Variants in HDAC4 observed in about 807,000 individuals in gnomAD.
The protein encoded by HDAC4 is histone deacetylase A.
In HDAC4, 16 loss-of-function variants were observed where a neutral mutation model predicts 135.1. The observed-to-expected ratio is 0.12, with a 90% CI of 0.08 to 0.18. HDAC4 has a LOEUF of 0.18. Ranked by LOEUF, HDAC4 falls within the 10% of genes least tolerant of loss-of-function variation. The probability of loss-of-function intolerance (pLI) is 1.00; values close to 1 mark genes in which losing one functional copy is unlikely to be tolerated. For missense variants in HDAC4, 1,143 were observed against 1,511.8 expected (o/e 0.76, Z 4.05); for synonymous variants, 685 against 653.4 (o/e 1.05, Z -0.74).
At chr2:239,132,670 T>C (rs1018234589) in intron 11 of HDAC4, among the ~76,000 whole-genome samples, 3 of 152,182 alleles carry the variant, frequency 2.0e-5, no homozygotes, top group African/African-American at 7.2e-5. Context: ...GTGAGACCCA[T>C]GCACACTCGA....
intron 19 of HDAC4, 134 bp from the exon 20 acceptor site, chr2:239,084,376 C>T (rs1362580413): frequency 3.2e-5 from 22 of 694,834 alleles, no homozygotes; most frequent in Non-Finnish European, 4.2e-5. Flanking sequence ...CTGAATACGT[C>T]GCAGGGAACC....
At chr2:239,301,016 C>T (rs2052221989) in intron 2 of HDAC4, among the ~76,000 whole-genome samples, 1 of 152,246 alleles carries the variant, frequency 6.6e-6, no homozygotes, top group Admixed American at 6.5e-5. Context: ...CTGCCCCCTC[C>T]TCCGGGCTCC....
At chr2:239,065,035 G>A (rs761208603) in intron 24 of HDAC4, among the ~76,000 whole-genome samples, 3 of 152,216 alleles carry the variant, frequency 2.0e-5, no homozygotes, top group South Asian at 2.1e-4. Context: ...TTTCCCCACC[G>A]CTCGTGACCT....
rs2031523296 is a variant in HDAC4, at chr2:239,054,753, G to T, written c.3084C>A (p.Ile1028=). The T allele has an allele frequency of 6.2e-7, 1 of 1,609,424 alleles. No homozygotes were observed. The highest frequency in any genetic ancestry group is 8.5e-7 in the Non-Finnish European group (1 of 1,175,760). The change falls in exon 25 of 27, where the codon ATC becomes ATA. Residue 1028 remains isoleucine (I), a synonymous_variant. Transcript: ENST00000543185. The part of the protein sequence containing the change: ...AVRSMEKVME[I]HSKYWRCLQR... ...GCACCCAGCCAGGCAACTTACTGTG[G>T]ATCTCCATGACTTTCTCCATGGAAC...
chr2:239,379,082 C>A (rs571811745), intron 1 of HDAC4, among the ~76,000 whole-genome samples: 1 of 152,162 alleles, frequency 6.6e-6, no homozygotes, highest in South Asian at 2.1e-4. Flanking sequence ...AGGGAAGAAA[C>A]GCTCCTCAGG....
chr2:239,081,189 C>T lies in HDAC4; in HGVS notation c.2656G>A (p.Gly886Ser). 6.2e-7 allele frequency: 1 copy of T among 1,612,524 alleles called. No homozygotes were observed. Residue 886 changes from glycine to serine, a missense_variant, in exon 22 of 27, where the codon GGC (glycine) becomes AGC (serine). Transcript: ENST00000543185. ...TTGAAACCCACGCCGGGCCCTGTGC[C>T]CACCTGTGGCCAGAAGGAGAGAAAC... ...FPGSGAPDEV[G>S]TGPGVGFNVN...
At chr2:239,080,989 C>G (rs2035260960) in intron 22 of HDAC4, 106 bp downstream of exon 22, 1 of 851,576 alleles carries the variant, frequency 1.2e-6, no homozygotes, top group South Asian at 1.5e-5. Context: ...CCCCGTTCAG[C>G]CACAGACCAG....
chr2:239,224,828 C>A (rs982565481), intron 3 of HDAC4, among the ~76,000 whole-genome samples: 1 of 152,228 alleles, frequency 6.6e-6, no homozygotes, highest in Non-Finnish European at 1.5e-5. Context: ...GCTCACTCTC[C>A]TCCACAGCGA....
At chr2:239,070,403 C>A (rs1180054990) in intron 22 of HDAC4, among the ~76,000 whole-genome samples, 1 of 152,206 alleles carries the variant, frequency 6.6e-6, no homozygotes, top group African/African-American at 2.4e-5. Flanking sequence ...AAAAGCACTC[C>A]TTAACACAAA....
chr2:239,081,858 T>C (rs1247771435), intron 21 of HDAC4, among the ~76,000 whole-genome samples: 2 of 152,244 alleles, frequency 1.3e-5, no homozygotes, highest in African/African-American at 2.4e-5. Context: ...CACCTCTGTC[T>C]GCCTGGATGG....
Position 239,262,336 on chromosome 2 carries a change from A to C in HDAC4, c.23-25672T>G, listed in dbSNP as rs1477290456. ...CCACAATAACACACTTTAGAAACAG[A>C]GTAGCAATTTGGTTCTCTGCGGAAT... On this transcript the variant is annotated intron_variant, in intron 2 of 26. Coordinates refer to ENST00000543185, the MANE Select transcript of HDAC4 (RefSeq NM_001378414.1). The surrounding 1 kb of genome is among the most constrained non-coding windows in gnomAD (Gnocchi z 4.1). Among the ~76,000 whole-genome samples, 1 of 152,218 alleles carries C rather than the reference A, an allele frequency of 6.6e-6. No homozygotes were observed. Among genetic ancestry groups the C allele is most frequent in the Non-Finnish European group, 1.5e-5 (1 of 68,036 alleles).
intron 6 of HDAC4, chr2:239,162,000 C>T: frequency 9.8e-6 from 4 of 406,170 alleles, no homozygotes; most frequent in Non-Finnish European, 2.0e-5. Context: ...TCCTGCTGGC[C>T]TCGGCCCCCC....
chr2:239,295,002 T>G (rs2051776659), intron 2 of HDAC4, among the ~76,000 whole-genome samples: 1 of 152,140 alleles, frequency 6.6e-6, no homozygotes, highest in Non-Finnish European at 1.5e-5. Flanking sequence ...AAGGGTTTTT[T>G]AATAATGTGA....
At chr2:239,112,395 C>T (rs756265127) in intron 13 of HDAC4, among the ~76,000 whole-genome samples, 7 of 152,336 alleles carry the variant, frequency 4.6e-5, no homozygotes, top group South Asian at 2.1e-4. Flanking sequence ...CATCTGCAGC[C>T]GCTCCCCTCC....
At chr2:239,057,715 G>A (rs997424193) in intron 24 of HDAC4, among the ~76,000 whole-genome samples, 6 of 152,192 alleles carry the variant, frequency 3.9e-5, no homozygotes, top group Non-Finnish European at 7.3e-5. Flanking sequence ...TCACAAACGC[G>A]AGCTGGGGAA....
chr2:239,278,973 C>T (rs2050552397), intron 2 of HDAC4, among the ~76,000 whole-genome samples: 1 of 152,180 alleles, frequency 6.6e-6, no homozygotes, highest in South Asian at 2.1e-4. Flanking sequence ...CTATCTCTTC[C>T]AAACAAACAA....
At position 239,052,918 on chromosome 2, in the gene HDAC4, C is replaced by T. The variant is rs183605622; in HGVS notation, c.*179G>A. ...GCTGCCACGCCCAGGCGTGCATGTGCGTCTCGAGACCTGTGGGCCTGGGCG... is the reference window on the plus strand; with the variant it reads ...GCTGCCACGCCCAGGCGTGCATGTGTGTCTCGAGACCTGTGGGCCTGGGCG... On this transcript the variant is annotated 3_prime_UTR_variant, in exon 27 of 27. Coordinates refer to ENST00000543185, the MANE Select transcript of HDAC4 (RefSeq NM_001378414.1). 1,132 of 697,892 alleles carry T rather than the reference C, an allele frequency of 1.6e-3. 9 individuals carry two copies. The highest frequency in any genetic ancestry group is 0.016 in the African/African-American group (893 of 56,860). The allele number at this position is 697,892 out of a possible 1,614,324, so 43.2% of individuals were successfully genotyped here. A position where few individuals can be genotyped will look rare whatever the true frequency, so the allele number is the denominator to read the frequency against.
chr2:239,080,853 A>AGTGAGCTCCT (rs1385869709), intron 22 of HDAC4: 14 of 568,352 alleles, frequency 2.5e-5, no homozygotes, highest in Non-Finnish European at 4.1e-5. Context: ...ATCGACCCAA[A>AGTGAGCTCCT]GTGAGCTCCT....
rs936444142 is a variant in HDAC4, at chr2:239,400,388, G to C, written c.-220+590C>G. On this transcript the variant is annotated intron_variant, in intron 1 of 26. Transcript: ENST00000543185. This position sits in a 1 kb window ranked among gnomAD's most constrained non-coding sequence, Gnocchi z 4.7. ...GGCCCGGAGCCCACCTGCTCGGGGGGCGCGGGCCCCGCACCGGGAGACGGC... is the reference window on the plus strand; with the variant it reads ...GGCCCGGAGCCCACCTGCTCGGGGGCCGCGGGCCCCGCACCGGGAGACGGC... 6.8e-6 allele frequency: 1 copy of C among 147,370 alleles called. No individual in the cohort carries two copies. Among genetic ancestry groups the C allele is most frequent in the Non-Finnish European group, 1.5e-5 (1 of 66,154 alleles). The allele number at this position is 147,370 out of a possible 1,614,324, so 9.1% of individuals were successfully genotyped here.
Sources: allele counts gnomAD v4.1 joint callset (sites outside exome capture counted in the v4.1 genomes callset), GRCh38; gene constraint gnomAD v4.1.1; non-coding constraint Gnocchi (gnomAD v3.1); transcripts MANE v1.5; gene names NCBI Gene and HGNC (gene_info 2026-07-23, HGNC 2026-07-21).